The following ENTPD7 variants were observed in gnomAD, a reference collection of about 807,000 sequenced individuals.
ENTPD7 encodes the protein NTPDase 7.
In ENTPD7, 53 loss-of-function variants were observed where a neutral mutation model predicts 77.9. That is an observed-to-expected ratio of 0.68 (90% confidence interval 0.55 to 0.85). The LOEUF is 0.85. ENTPD7 is among the 40% of genes least tolerant of loss of function. ENTPD7 has a pLI of 0.00. For missense variants in ENTPD7, 636 were observed against 743.7 expected (o/e 0.86, Z 1.68); for synonymous variants, 248 against 274.9 (o/e 0.90, Z 0.97).
In ENTPD7 at chr10:99,691,440, G is replaced by C; in HGVS notation, c.765G>C (p.Gly255=). The part of the protein sequence containing the change: ...ELAAGRRRTV[G]ILDMGGASLQ... ...CAGCAGGACGGAGAAGGACAGTAGGGATACTGGATATGGGAGGAGCCTCTC... is the reference window on the plus strand; with the variant it reads ...CAGCAGGACGGAGAAGGACAGTAGGCATACTGGATATGGGAGGAGCCTCTC... Residue 255 remains glycine, a synonymous_variant, in exon 8 of 13, where the codon GGG becomes GGC. Coordinates refer to ENST00000370489, the MANE Select transcript of ENTPD7 (RefSeq NM_020354.5). 1.2e-6 allele frequency: 2 copies of C among 1,614,110 alleles called. No individual in the cohort carries two copies. The highest frequency in any genetic ancestry group is 2.2e-5 in the South Asian group (2 of 91,080).
rs1479765963 is a variant in ENTPD7, at chr10:99,710,660, A to G, written c.*5977A>G. On this transcript the variant is annotated 3_prime_UTR_variant, in exon 13 of 13. Transcript: ENST00000370489. The stretch of plus-strand genomic sequence containing the variant: ...TTCTCCCTTATGCAGGGACATGGGT[A>G]TATGTGTTACATATGCTGATATATA... The G allele has an allele frequency of 1.0e-6, 1 of 985,290 alleles. No homozygotes were observed. Among genetic ancestry groups the G allele is most frequent in the Admixed American group, 6.2e-5 (1 of 16,260 alleles). The allele number at this position is 985,290 out of a possible 1,614,324, so 61.0% of individuals were successfully genotyped here.
At chr10:99,703,936 G>C (rs1222968430) in intron 12 of ENTPD7, among the ~76,000 whole-genome samples, 3 of 152,080 alleles carry the variant, frequency 2.0e-5, no homozygotes, top group Non-Finnish European at 2.9e-5. Flanking sequence ...ATGTTGACCA[G>C]GCTGGTTTTG....
chr10:99,705,352 A>C lies in ENTPD7; in HGVS notation c.*669A>C, dbSNP rs1052159911. The C allele has an allele frequency of 6.5e-6, 1 of 152,796 alleles. No homozygotes were observed. Among genetic ancestry groups the C allele is most frequent in the African/African-American group, 2.4e-5 (1 of 41,464 alleles). The allele number at this position is 152,796 out of a possible 1,614,324, so 9.5% of individuals were successfully genotyped here. A position where few individuals can be genotyped will look rare whatever the true frequency, so the allele number is the denominator to read the frequency against. ...AAATGAATGGTCTGTGGAAGATTTT[A>C]GTATCTTATCTGATGCCTGGTATGA... On this transcript the variant is annotated 3_prime_UTR_variant, in exon 13 of 13. Coordinates refer to ENST00000370489, the MANE Select transcript of ENTPD7 (RefSeq NM_020354.5).
At chr10:99,690,262 G>A (rs1458062252) in intron 7 of ENTPD7, among the ~76,000 whole-genome samples, 1 of 152,064 alleles carries the variant, frequency 6.6e-6, no homozygotes, top group Non-Finnish European at 1.5e-5. Context: ...AGTAAAAGAT[G>A]GTATTTAGAG....
rs1156772229 is a variant in ENTPD7 at position 99,709,008 on chromosome 10, T to G, written c.*4325T>G. 1 of 985,270 alleles carries G rather than the reference T, an allele frequency of 1.0e-6. No homozygotes were observed. The highest frequency in any genetic ancestry group is 1.2e-6 in the Non-Finnish European group (1 of 829,866). The allele number at this position is 985,270 out of a possible 1,614,324, so 61.0% of individuals were successfully genotyped here. ...GGAATAAACTTTGAAAAAAATACTT[T>G]GTCAGAAATAGTGCCAAGTTTTCAC... On this transcript the variant is annotated 3_prime_UTR_variant, in exon 13 of 13. Coordinates refer to ENST00000370489, the MANE Select transcript of ENTPD7 (RefSeq NM_020354.5).
chr10:99,669,395 A>T (rs1221188882), intron 3 of ENTPD7, among the ~76,000 whole-genome samples: 2 of 152,142 alleles, frequency 1.3e-5, no homozygotes, highest in African/African-American at 2.4e-5. Context: ...ATTAACCAGG[A>T]CTTTAGAAGC....
intron 10 of ENTPD7, among the ~76,000 whole-genome samples, chr10:99,699,257 G>C (rs977219738): frequency 2.0e-5 from 3 of 152,208 alleles, no homozygotes; most frequent in African/African-American, 7.2e-5. Flanking sequence ...ATATCACCCA[G>C]AGGGGCAAGC....
At chr10:99,670,669 G>A (rs1211653887) in intron 3 of ENTPD7, among the ~76,000 whole-genome samples, 1 of 152,142 alleles carries the variant, frequency 6.6e-6, no homozygotes, top group Non-Finnish European at 1.5e-5. Context: ...GTAAGTATTT[G>A]TGTATCTAAA....
chr10:99,680,277 GC>G, intron 5 of ENTPD7, among the ~76,000 whole-genome samples: 1 of 152,242 alleles, frequency 6.6e-6, no homozygotes, highest in East Asian at 1.9e-4. Context: ...TCTTCTTGCT[GC>G]TACTGCAAAG....
Position 99,685,853 on chromosome 10 carries a change from T to A in ENTPD7, c.610T>A (p.Phe204Ile). The part of the protein sequence containing the change: ...KDLPLEFDFL[F>I]SQSQAEVISG... ...TTTACCACTGGAGTTTGACTTCCTC[T>A]TTTCACAGTCTCAAGCAGAAGTGAT... is the stretch of plus-strand genomic sequence containing the variant. The change falls in exon 6 of 13, where the codon TTT (phenylalanine) becomes ATT (isoleucine). Residue 204 changes from phenylalanine (F) to isoleucine (I), a missense_variant. Transcript: ENST00000370489. The A allele has an allele frequency of 6.2e-7, 1 of 1,613,942 alleles. No individual in the cohort carries two copies. Among genetic ancestry groups the A allele is most frequent in the Non-Finnish European group, 8.5e-7 (1 of 1,179,928 alleles).
intron 7 of ENTPD7, among the ~76,000 whole-genome samples, chr10:99,690,254 T>C (rs1396144102): frequency 6.6e-6 from 1 of 152,198 alleles, no homozygotes; most frequent in Non-Finnish European, 1.5e-5. Context: ...TTTCTTTTAG[T>C]AAAAGATGGT....
At chr10:99,689,540 A>C (rs1292143254) in intron 7 of ENTPD7, among the ~76,000 whole-genome samples, 4 of 152,156 alleles carry the variant, frequency 2.6e-5, no homozygotes, top group Admixed American at 2.6e-4. Context: ...GGTCAGATAT[A>C]GATGTTTGAT....
At chr10:99,694,629 C>G (rs1421248109) in intron 8 of ENTPD7, among the ~76,000 whole-genome samples, 1 of 151,860 alleles carries the variant, frequency 6.6e-6, no homozygotes, top group African/African-American at 2.4e-5. Flanking sequence ...CTCTGCCTCC[C>G]AGGTTCAAGC....
intron 3 of ENTPD7, among the ~76,000 whole-genome samples, chr10:99,669,637 C>T (rs2035593450): frequency 6.7e-6 from 1 of 150,180 alleles, no homozygotes; most frequent in South Asian, 2.1e-4. Context: ...TTTAGTTTTA[C>T]AGCTCATTTG....
chr10:99,677,512 C>T (rs1476838331), intron 3 of ENTPD7, among the ~76,000 whole-genome samples: 1 of 151,744 alleles, frequency 6.6e-6, no homozygotes, highest in Non-Finnish European at 1.5e-5. Context: ...TTACAGGCTC[C>T]CACCACCATG....
At chr10:99,672,587 G>A (rs745781468) in intron 3 of ENTPD7, among the ~76,000 whole-genome samples, 8 of 152,140 alleles carry the variant, frequency 5.3e-5, no homozygotes, top group Non-Finnish European at 8.8e-5. Flanking sequence ...TTATAGCCAT[G>A]AGCCACCACA....
At position 99,701,777 on chromosome 10, in the gene ENTPD7, G is replaced by A. The variant is rs12254695; in HGVS notation, c.1421+719G>A. 3.2e-3 allele frequency among the ~76,000 whole-genome samples: 490 copies of A among 151,974 alleles called. 3 individuals carry two copies. Among genetic ancestry groups the A allele is most frequent in the African/African-American group, 0.011 (468 of 41,464 alleles). ...AAATTGTTTAAAATTGCCGGGCATG[G>A]TGGCTCACACCTGTAATCCTAGTGC... On this transcript the variant is annotated intron_variant, in intron 11 of 12. Coordinates refer to ENST00000370489, the MANE Select transcript of ENTPD7 (RefSeq NM_020354.5).
Position 99,706,917 on chromosome 10 carries a change from T to G in ENTPD7, c.*2234T>G, listed in dbSNP as rs1008561884. Reference sequence around the variant, plus strand: ...CACTGGCTAACAGTGATCATGTTCATGTGCTAAAAATGAACTTGAAACACG... The same window carrying G: ...CACTGGCTAACAGTGATCATGTTCAGGTGCTAAAAATGAACTTGAAACACG... On this transcript the variant is annotated 3_prime_UTR_variant, in exon 13 of 13. Transcript: ENST00000370489. Among the ~76,000 whole-genome samples, 1 of 152,228 alleles carries G rather than the reference T, an allele frequency of 6.6e-6. No homozygotes were observed. Among genetic ancestry groups the G allele is most frequent in the Non-Finnish European group, 1.5e-5 (1 of 68,040 alleles).
intron 3 of ENTPD7, among the ~76,000 whole-genome samples, chr10:99,678,575 T>C (rs1460352522): frequency 1.3e-5 from 2 of 151,480 alleles, no homozygotes; most frequent in African/African-American, 2.4e-5. Flanking sequence ...TCTAGCAATA[T>C]AAATACAAAA....
Sources: allele counts gnomAD v4.1 joint callset (sites outside exome capture counted in the v4.1 genomes callset), GRCh38; gene constraint gnomAD v4.1.1; transcripts MANE v1.5; gene names NCBI Gene and HGNC (gene_info 2026-07-23, HGNC 2026-07-21).